The following MACF1 variants were observed in gnomAD, a reference collection of about 807,000 sequenced individuals.
The protein encoded by MACF1 is microtubule-actin cross-linking factor 1.
Under a neutral mutation model 854.8 loss-of-function variants are expected in MACF1, and 193 were observed. The observed-to-expected ratio is 0.23, with a 90% confidence interval of 0.20 to 0.25. The LOEUF (loss-of-function observed/expected upper bound fraction) is 0.25, where lower values mean the gene tolerates loss of function less well. Among genes scored for constraint, MACF1 ranks in the 10% least tolerant of loss-of-function variants. The probability of loss-of-function intolerance (pLI) is 1.00; values close to 1 mark genes in which losing one functional copy is unlikely to be tolerated. For synonymous variants in MACF1, 3,185 were observed against 3,226.7 expected (o/e 0.99, Z 0.44); for missense variants, 7,722 against 8,929.1 (o/e 0.86, Z 5.45).
chr1:39,117,047 C>G (rs961691536), intron 2 of MACF1, among the ~76,000 whole-genome samples: 2 of 152,170 alleles, frequency 1.3e-5, no homozygotes, highest in African/African-American at 4.8e-5. Flanking sequence ...CAGCCTCCTT[C>G]TTGTTTATTT....
chr1:39,110,540 C>G (rs907335571), intron 2 of MACF1, among the ~76,000 whole-genome samples: 1 of 152,098 alleles, frequency 6.6e-6, no homozygotes, highest in Non-Finnish European at 1.5e-5. Context: ...GCCTGGCCTA[C>G]ACTCAGTTTT....
chr1:39,096,946 G>A (rs957592804), intron 2 of MACF1, among the ~76,000 whole-genome samples: 6 of 142,892 alleles, frequency 4.2e-5, no homozygotes, highest in African/African-American at 1.3e-4. Context: ...GTGTGATCTC[G>A]GCTCACTGCA....
intron 1 of MACF1, among the ~76,000 whole-genome samples, chr1:39,221,313 G>C (rs1644649210): frequency 1.4e-5 from 2 of 145,346 alleles, no homozygotes; most frequent in Non-Finnish European, 3.1e-5. Context: ...ATTTTGAATA[G>C]AGAGAGAGGT....
At chr1:39,164,172 C>T (rs1557491911) in intron 2 of MACF1, among the ~76,000 whole-genome samples, 1 of 152,160 alleles carries the variant, frequency 6.6e-6, no homozygotes, top group Non-Finnish European at 1.5e-5. Context: ...TAATTTTTCA[C>T]TGCTATGATA....
intron 58 of MACF1, among the ~76,000 whole-genome samples, chr1:39,407,718 A>G (rs1642766896): frequency 6.6e-6 from 1 of 152,232 alleles, no homozygotes; most frequent in South Asian, 2.1e-4. Flanking sequence ...GGCTCAGCTC[A>G]AGGTTTCAGT....
chr1:39,387,212 A>T lies in MACF1; in HGVS notation c.14370A>T (p.Ala4790=). 1 of 1,613,988 alleles carries T rather than the reference A, an allele frequency of 6.2e-7. No individual in the cohort carries two copies. Among genetic ancestry groups the T allele is most frequent in the Non-Finnish European group, 8.5e-7 (1 of 1,179,918 alleles). The change falls in exon 58 of 101, where the codon GCA becomes GCT. Residue 4790 remains alanine, a synonymous_variant. Transcript: ENST00000564288. ...CCGATCGCATTAACAGACTCCAGGCAGCTCTTGCCAGCACCCAGCAGTTCC... is the reference window on the plus strand; with the variant it reads ...CCGATCGCATTAACAGACTCCAGGCTGCTCTTGCCAGCACCCAGCAGTTCC... ...LAADRINRLQ[A]ALASTQQFQQ...
intron 97 of MACF1, among the ~76,000 whole-genome samples, chr1:39,470,365 A>T (rs1644752908): frequency 6.6e-6 from 1 of 152,178 alleles, no homozygotes; most frequent in African/African-American, 2.4e-5. Context: ...TTTTAAAAAA[A>T]TTGGGGCCAG....
intron 2 of MACF1, among the ~76,000 whole-genome samples, chr1:39,161,323 A>G (rs1643794299): frequency 6.6e-6 from 1 of 152,152 alleles, no homozygotes. Flanking sequence ...GCAGAGAGGT[A>G]GGTGAAGTAG....
intron 47 of MACF1, among the ~76,000 whole-genome samples, chr1:39,360,042 T>A (rs1227191287): frequency 1.0e-4 from 6 of 59,284 alleles, no homozygotes; most frequent in East Asian, 1.0e-3. Flanking sequence ...TATATATATA[T>A]ATATATATAT....
intron 2 of MACF1, among the ~76,000 whole-genome samples, chr1:39,124,737 G>T (rs1472662): frequency 0.16 from 24,712 of 152,132 alleles, 2,514 homozygotes; most frequent in Middle Eastern, 0.22. Flanking sequence ...AATGTGCCAG[G>T]CATAATTTTT....
intron 2 of MACF1, among the ~76,000 whole-genome samples, chr1:39,136,271 A>G (rs1643164675): frequency 2.0e-5 from 3 of 152,192 alleles, no homozygotes; most frequent in South Asian, 4.2e-4. Context: ...TACAATGTCT[A>G]CCAAAATTCT....
At chr1:39,169,246 G>A (rs1643913935) in intron 2 of MACF1, among the ~76,000 whole-genome samples, 3 of 152,148 alleles carry the variant, frequency 2.0e-5, no homozygotes, top group South Asian at 2.1e-4. Context: ...AGTTAACACC[G>A]AAGTAGCAGC....
At position 39,106,806 on chromosome 1, in the gene MACF1, C is replaced by G. The variant is rs1207706233; in HGVS notation, c.220+22368C>G. Among the ~76,000 whole-genome samples the G allele has an allele frequency of 4.0e-4, 57 of 141,124 alleles. 1 individual carries two copies. The highest frequency in any genetic ancestry group is 2.2e-3 in the Admixed American group (31 of 14,186). The allele number at this position is 141,124 out of a possible 152,430, so 92.6% of individuals were successfully genotyped here. A position where few individuals can be genotyped will look rare whatever the true frequency, so the allele number is the denominator to read the frequency against. On this transcript the variant is annotated intron_variant, in intron 2 of 93. Transcript: ENST00000361689. ...AACGCCCCCCCTCTCCCCCCTCCCC[C>G]CCACTTTTTTTTTCTTGTGGCATTG...
chr1:39,227,881 ATAGAGTCACTCC>A (rs1371183893), intron 1 of MACF1, among the ~76,000 whole-genome samples: 3 of 152,170 alleles, frequency 2.0e-5, no homozygotes, highest in Non-Finnish European at 2.9e-5. Context: ...TTAAGGTTAG[ATAGAGTCACTCC>A]TCCTTGAAAC....
At chr1:39,194,479 A>G (rs1294058825) in intron 2 of MACF1, among the ~76,000 whole-genome samples, 1 of 147,892 alleles carries the variant, frequency 6.8e-6, no homozygotes, top group Non-Finnish European at 1.5e-5. Context: ...TCAGCCTCCC[A>G]GGTAGCTGAG....
intron 56 of MACF1, among the ~76,000 whole-genome samples, chr1:39,383,592 C>G (rs994826743): frequency 6.6e-6 from 1 of 151,962 alleles, no homozygotes; most frequent in Non-Finnish European, 1.5e-5. Context: ...ATAAGAGTGG[C>G]ATTGGCCGGG....
intron 52 of MACF1, among the ~76,000 whole-genome samples, chr1:39,374,115 G>A (rs759745497): frequency 5.3e-5 from 8 of 151,904 alleles, no homozygotes; most frequent in Admixed American, 1.3e-4. Flanking sequence ...GGTGGCTTGC[G>A]CCTGTAATCC....
At chr1:39,144,777 C>A (rs1643426317) in intron 2 of MACF1, among the ~76,000 whole-genome samples, 1 of 152,082 alleles carries the variant, frequency 6.6e-6, no homozygotes, top group Non-Finnish European at 1.5e-5. Flanking sequence ...AGGTGTGAAC[C>A]ACTGTGCCTC....
intron 2 of MACF1, among the ~76,000 whole-genome samples, chr1:39,197,244 TACACAC>T: frequency 6.6e-6 from 1 of 150,520 alleles, no homozygotes; most frequent in Non-Finnish European, 1.5e-5. Context: ...TATAAATATA[TACACAC>T]ACACACACAC....
Sources: allele counts gnomAD v4.1 joint callset (sites outside exome capture counted in the v4.1 genomes callset), GRCh38; gene constraint gnomAD v4.1.1; transcripts MANE v1.5; gene names NCBI Gene and HGNC (gene_info 2026-07-23, HGNC 2026-07-21).